SOCS5: variants seen among roughly 807,000 people sequenced by gnomAD.
SOCS5 encodes the protein CIS-6.
SOCS5 carries 32 observed loss-of-function variants against 42.8 expected under a neutral mutation model. The observed-to-expected ratio is 0.75, with a 90% CI of 0.56 to 1.01. The LOEUF (loss-of-function observed/expected upper bound fraction) is 1.01. Among genes scored for constraint, SOCS5 ranks in the 50% least tolerant of loss-of-function variants. SOCS5 has a pLI of 0.00. For missense variants in SOCS5, 627 were observed against 653.0 expected (o/e 0.96, Z 0.43); for synonymous variants, 283 against 229.6 (o/e 1.23, Z -2.10).
chr2:46,729,230 T>C (rs146302372), intron 1 of SOCS5, among the ~76,000 whole-genome samples: 2,558 of 152,292 alleles, frequency 0.017, 81 homozygotes, highest in African/African-American at 0.058. Context: ...CACTGACATA[T>C]AGCTTGAAAT....
intron 1 of SOCS5, among the ~76,000 whole-genome samples, chr2:46,709,188 C>T (rs1672560574): frequency 6.6e-6 from 1 of 152,090 alleles, no homozygotes; most frequent in Non-Finnish European, 1.5e-5. Flanking sequence ...CTATCTATTC[C>T]AGAGCATCCC....
intron 1 of SOCS5, among the ~76,000 whole-genome samples, chr2:46,737,101 C>G (rs749791141): frequency 6.6e-6 from 1 of 152,166 alleles, no homozygotes; most frequent in Non-Finnish European, 1.5e-5. Context: ...TTTATCACCT[C>G]TCCCAATCTT....
chr2:46,757,320 T>C (rs1239054375), intron 1 of SOCS5, among the ~76,000 whole-genome samples: 7 of 152,238 alleles, frequency 4.6e-5, no homozygotes, highest in Non-Finnish European at 1.0e-4. Context: ...AGTTTAGGTT[T>C]TTCCATTTCT....
chr2:46,719,060 A>T (rs1217782103), intron 1 of SOCS5, among the ~76,000 whole-genome samples: 2 of 152,206 alleles, frequency 1.3e-5, no homozygotes, highest in Non-Finnish European at 2.9e-5. Context: ...ATAGTTGTGT[A>T]ACCAAATACC....
At chr2:46,699,196 G>A (rs1414565157), upstream of SOCS5, 1 of 152,846 alleles carries the variant, frequency 6.5e-6, no homozygotes. The surrounding 1 kb of genome is among the most constrained non-coding windows in gnomAD (Gnocchi z 4.8). Flanking sequence ...TGGGGGTTGG[G>A]GGGAGGGGGG....
intron 1 of SOCS5, among the ~76,000 whole-genome samples, chr2:46,730,718 C>T (rs1673096991): frequency 6.6e-6 from 1 of 152,186 alleles, no homozygotes; most frequent in African/African-American, 2.4e-5. Context: ...ATTTTATATA[C>T]ACTTGCTAAT....
chr2:46,712,578 G>T (rs190337840), intron 1 of SOCS5, among the ~76,000 whole-genome samples: 4 of 152,024 alleles, frequency 2.6e-5, no homozygotes, highest in African/African-American at 4.8e-5. Context: ...TCCTGACCTC[G>T]TGATCCGCCT....
chr2:46,738,823 A>G (rs534128703), intron 1 of SOCS5, among the ~76,000 whole-genome samples: 3 of 152,352 alleles, frequency 2.0e-5, no homozygotes, highest in African/African-American at 7.2e-5. Context: ...AAGTTCATCA[A>G]TCACATCCAG....
rs1268346768 is a variant in SOCS5 at position 46,721,925 on chromosome 2, A to T, written c.-13+22476A>T. Among the ~76,000 whole-genome samples the T allele has an allele frequency of 2.0e-5, 3 of 152,166 alleles. No homozygotes were observed. The South Asian group carries it at 6.2e-4, about 32-fold the overall frequency. Reference sequence around the variant, plus strand: ...AGGGAATTAGGTGAAAAAAATATGGATAGATTAGTATAAATCTGTAACTGC... The same window carrying T: ...AGGGAATTAGGTGAAAAAAATATGGTTAGATTAGTATAAATCTGTAACTGC... On this transcript the variant is annotated intron_variant, in intron 1 of 1. Transcript: ENST00000394861.
chr2:46,709,984 C>T (rs1325708211), intron 1 of SOCS5, among the ~76,000 whole-genome samples: 1 of 152,052 alleles, frequency 6.6e-6, no homozygotes, highest in African/African-American at 2.4e-5. Context: ...CCAGTCTCCA[C>T]CCCCCATGCT....
chr2:46,736,944 C>T (rs1479027177), intron 1 of SOCS5, among the ~76,000 whole-genome samples: 3 of 151,968 alleles, frequency 2.0e-5, no homozygotes, highest in African/African-American at 7.3e-5. Flanking sequence ...ATTATGTAGG[C>T]ACTCAAAAAG....
At position 46,750,273 on chromosome 2, in the gene SOCS5, C is replaced by T. The variant is rs140046724; in HGVS notation, c.-12-8246C>T. On this transcript the variant is annotated intron_variant, in intron 1 of 1. Transcript: ENST00000394861. ...TTAAGAATAAGATTTCTGCTAGGCT[C>T]GGCGTGCCCTCCTACGTGATACCAG... Among the ~76,000 whole-genome samples the T allele has an allele frequency of 1.1e-3, 161 of 152,178 alleles. 3 individuals carry two copies. The East Asian group carries it at 0.016, about 15-fold the overall frequency.
Position 46,759,178 on chromosome 2 carries a change from G to A in SOCS5, c.648G>A (p.Glu216=). Residue 216 remains glutamate (E), a synonymous_variant, in exon 2 of 2, where the codon GAG becomes GAA. Transcript: ENST00000394861. Reference sequence around the variant, plus strand: ...TCCATCTCTCTGAATTAATGCTTGAGAAATGCCCTTTTCCTGCTGGCTCAG... The same window carrying A: ...TCCATCTCTCTGAATTAATGCTTGAAAAATGCCCTTTTCCTGCTGGCTCAG... The part of the protein sequence containing the change: ...RKIHLSELML[E]KCPFPAGSDL... 3 of 1,613,976 alleles carry A rather than the reference G, an allele frequency of 1.9e-6. No homozygotes were observed. The highest frequency in any genetic ancestry group is 2.5e-6 in the Non-Finnish European group (3 of 1,179,862).
intron 1 of SOCS5, among the ~76,000 whole-genome samples, chr2:46,736,925 C>T (rs947564283): frequency 1.3e-5 from 2 of 151,776 alleles, no homozygotes; most frequent in African/African-American, 2.4e-5. Context: ...GTGAACATTT[C>T]CTTTGAGCAT....
chr2:46,729,531 T>G (rs1673068770), intron 1 of SOCS5, among the ~76,000 whole-genome samples: 1 of 152,224 alleles, frequency 6.6e-6, no homozygotes, highest in South Asian at 2.1e-4. Context: ...TCTAGACAGT[T>G]GTATCACAAT....
In SOCS5 at chr2:46,761,683, C is replaced by T. The variant is rs1220512531; in HGVS notation, c.*1542C>T. On this transcript the variant is annotated 3_prime_UTR_variant, in exon 2 of 2. Transcript: ENST00000394861. ...GAATGGTTTGGGGTTTTTAAATAAG[C>T]ATTAACTAACAACCTTTCTATAGTT... The T allele has an allele frequency of 6.0e-6, 1 of 166,754 alleles. No homozygotes were observed. Among genetic ancestry groups the T allele is most frequent in the Non-Finnish European group, 1.5e-5 (1 of 68,098 alleles). 10.3% of individuals were successfully genotyped at this position (166,754 alleles called of 1,614,324 possible). A position where few individuals can be genotyped will look rare whatever the true frequency, so the allele number is the denominator to read the frequency against.
chr2:46,751,809 G>T (rs942130126), intron 1 of SOCS5, among the ~76,000 whole-genome samples: 2 of 152,068 alleles, frequency 1.3e-5, no homozygotes, highest in African/African-American at 2.4e-5. Flanking sequence ...GCAAACTATG[G>T]CGTATGGGCA....
At position 46,716,113 on chromosome 2, in the gene SOCS5, T is replaced by C. The variant is rs1301288477; in HGVS notation, c.-13+16664T>C. 1.7e-3 allele frequency among the ~76,000 whole-genome samples: 39 copies of C among 22,998 alleles called. No homozygotes were observed. In the South Asian group the frequency reaches 0.021, roughly 13 times the overall value. The allele number at this position is 22,998 out of a possible 152,430, so 15.1% of individuals were successfully genotyped here. On this transcript the variant is annotated intron_variant, in intron 1 of 1. Coordinates refer to ENST00000394861, the MANE Select transcript of SOCS5 (RefSeq NM_144949.3). ...ATTTTTCATGTCAGACACCCCCCCT[T>C]TTTTTTTTTTTTAGTTCTAGAAGTT...
intron 1 of SOCS5, among the ~76,000 whole-genome samples, chr2:46,748,539 G>A (rs1051427287): frequency 3.9e-5 from 6 of 151,952 alleles, no homozygotes; most frequent in Non-Finnish European, 5.9e-5. Context: ...AAAGGGGCAC[G>A]CATTGTCCTG....
Sources: allele counts gnomAD v4.1 joint callset (sites outside exome capture counted in the v4.1 genomes callset), GRCh38; gene constraint gnomAD v4.1.1; non-coding constraint Gnocchi (gnomAD v3.1); transcripts MANE v1.5; gene names NCBI Gene and HGNC (gene_info 2026-07-23, HGNC 2026-07-21).